TMEM132D: variants seen among roughly 807,000 people sequenced by gnomAD.
TMEM132D encodes transmembrane protein 132D, also known as mature OL transmembrane protein.
In TMEM132D, 21 loss-of-function variants were observed where a neutral mutation model predicts 62.3. The observed-to-expected ratio is 0.34, with a 90% CI of 0.24 to 0.49. The LOEUF (loss-of-function observed/expected upper bound fraction) is 0.49, where lower values mean the gene tolerates loss of function less well. TMEM132D is among the 20% of genes least tolerant of loss of function. The pLI, the probability that TMEM132D is intolerant of heterozygous loss-of-function variation, is 0.99. For missense variants in TMEM132D, 1,346 were observed against 1,402.8 expected, an observed-to-expected ratio of 0.96 and a Z score of 0.65; for synonymous variants, 621 against 575.6, an observed-to-expected ratio of 1.08 and a Z score of -1.13.
At chr12:129,580,175 C>T (rs1877803371) in intron 2 of TMEM132D, among the ~76,000 whole-genome samples, 1 of 152,184 alleles carries the variant, frequency 6.6e-6, no homozygotes. Flanking sequence ...TCCCAGGAAG[C>T]ACTTACTCCT....
intron 2 of TMEM132D, among the ~76,000 whole-genome samples, chr12:129,635,026 A>T (rs1879441427): frequency 6.6e-6 from 1 of 152,220 alleles, no homozygotes; most frequent in Non-Finnish European, 1.5e-5. Context: ...ACTATAATGA[A>T]ACACTTCCCC....
chr12:129,692,285 A>C (rs1565950728), intron 2 of TMEM132D, among the ~76,000 whole-genome samples: 1 of 152,234 alleles, frequency 6.6e-6, no homozygotes, highest in Non-Finnish European at 1.5e-5. Flanking sequence ...CATGTTCAAA[A>C]ACTAATCAGG....
At chr12:129,213,635 G>A (rs907841042) in intron 4 of TMEM132D, among the ~76,000 whole-genome samples, 2 of 152,178 alleles carry the variant, frequency 1.3e-5, no homozygotes, top group African/African-American at 4.8e-5. Context: ...GGAGGAGGGC[G>A]AAGGGAGCAG....
chr12:129,205,578 C>A (rs1878821835), intron 5 of TMEM132D, among the ~76,000 whole-genome samples: 1 of 152,134 alleles, frequency 6.6e-6, no homozygotes, highest in African/African-American at 2.4e-5. Context: ...GAAACTTCAA[C>A]ATCCCATTGA....
intron 1 of TMEM132D, among the ~76,000 whole-genome samples, chr12:129,901,567 C>T (rs1006428190): frequency 3.9e-5 from 6 of 152,186 alleles, no homozygotes; most frequent in East Asian, 1.9e-4. Flanking sequence ...AAACATTTTA[C>T]GTGCTAATTT....
intron 3 of TMEM132D, among the ~76,000 whole-genome samples, chr12:129,393,226 C>A (rs1373503877): frequency 1.3e-5 from 2 of 152,222 alleles, no homozygotes; most frequent in South Asian, 2.1e-4. Context: ...TCTTCCTTAC[C>A]ATGTTTGCCC....
intron 3 of TMEM132D, among the ~76,000 whole-genome samples, chr12:129,362,184 A>G (rs78782733): frequency 0.022 from 3,413 of 152,222 alleles, 76 homozygotes; most frequent in Admixed American, 0.063. Context: ...GTTCCCAATC[A>G]AATCTTGTTG....
intron 1 of TMEM132D, among the ~76,000 whole-genome samples, chr12:129,763,745 GA>G (rs1284773162): frequency 6.7e-5 from 1 of 14,892 alleles, no homozygotes; most frequent in Non-Finnish European, 2.7e-3. Context: ...AGTCACCATG[GA>G]CCCCCAAGGC....
At chr12:129,134,229 A>G (rs1485073729) in intron 5 of TMEM132D, among the ~76,000 whole-genome samples, 1 of 151,874 alleles carries the variant, frequency 6.6e-6, no homozygotes, top group African/African-American at 2.4e-5. Flanking sequence ...CTAGTTTGAT[A>G]GTTTGAATTG....
In TMEM132D at chr12:129,320,559, G is replaced by A. The variant is rs182062134; in HGVS notation, c.1299+17075C>T. 5.8e-4 allele frequency among the ~76,000 whole-genome samples: 89 copies of A among 152,282 alleles called. 1 individual carries two copies. Among genetic ancestry groups the A allele is most frequent in the Admixed American group, 2.3e-3 (35 of 15,294 alleles). ...GAAATGTAGGCAGGGGTTAGACCAC[G>A]TAGGCTAGGTTTTGTTTGCCATGTG... On this transcript the variant is annotated intron_variant, in intron 4 of 8. Transcript: ENST00000422113.
chr12:129,776,809 A>G (rs970466593), intron 1 of TMEM132D, among the ~76,000 whole-genome samples: 3 of 148,798 alleles, frequency 2.0e-5, no homozygotes, highest in African/African-American at 4.9e-5. Context: ...AAAAAAAAAG[A>G]AAAGGAAAAA....
chr12:129,633,069 T>C (rs1879387228), intron 2 of TMEM132D, among the ~76,000 whole-genome samples: 1 of 152,238 alleles, frequency 6.6e-6, no homozygotes, highest in South Asian at 2.1e-4. Context: ...AACTAATTTT[T>C]TTATCTTAAC....
chr12:129,601,805 A>G (rs1395738448), intron 2 of TMEM132D, among the ~76,000 whole-genome samples: 3 of 152,224 alleles, frequency 2.0e-5, no homozygotes, highest in Non-Finnish European at 4.4e-5. Context: ...CGGATCACAG[A>G]TCACCATAAC....
chr12:129,873,104 G>A (rs907062694), intron 1 of TMEM132D, among the ~76,000 whole-genome samples: 1 of 152,166 alleles, frequency 6.6e-6, no homozygotes, highest in African/African-American at 2.4e-5. Flanking sequence ...AAGGTAGGGA[G>A]ACGCTATGAA....
chr12:129,531,238 G>C, intron 2 of TMEM132D, 33 bp from the exon 3 acceptor site: 1 of 1,573,718 alleles, frequency 6.4e-7, no homozygotes, highest in Non-Finnish European at 8.6e-7. Context: ...GTCTGAGTCA[G>C]CTCTGGGGAA....
rs930323764 is a variant in TMEM132D at position 129,873,061 on chromosome 12, C to T, written c.79+30200G>A. Among the ~76,000 whole-genome samples, 9 of 152,260 alleles carry T rather than the reference C, an allele frequency of 5.9e-5. No homozygotes were observed. The East Asian group carries it at 7.7e-4, about 13-fold the overall frequency. On this transcript the variant is annotated intron_variant, in intron 1 of 8. Coordinates refer to ENST00000422113, the MANE Select transcript of TMEM132D (RefSeq NM_133448.3). ...GTTGAAAGACCCTGAGCAAGTCACG[C>T]GCCTGGAGTCTGATAGACCCATTAC...
intron 4 of TMEM132D, 132 bp downstream of exon 4, chr12:129,337,500 TTG>T (rs1869329485): frequency 1.0e-6 from 1 of 953,174 alleles, no homozygotes; most frequent in Non-Finnish European, 1.6e-6. Context: ...GCAGTCAACT[TTG>T]TGGTTTCGTT....
chr12:129,366,858 C>G (rs1795235238), intron 3 of TMEM132D, among the ~76,000 whole-genome samples: 2 of 152,108 alleles, frequency 1.3e-5, no homozygotes, highest in African/African-American at 4.8e-5. Context: ...GATGGGCTGT[C>G]AACAGATGGG....
intron 1 of TMEM132D, among the ~76,000 whole-genome samples, chr12:129,775,222 A>G (rs981023472): frequency 2.0e-5 from 3 of 152,204 alleles, no homozygotes; most frequent in African/African-American, 7.2e-5. Context: ...GTATTTATTC[A>G]AGGTATTCCT....
Sources: gnomAD v4.1 joint callset for allele counts (sites outside exome capture counted in the v4.1 genomes callset) on GRCh38, gnomAD v4.1.1 for gene constraint, MANE v1.5 for transcripts, NCBI Gene and HGNC (gene_info 2026-07-23, HGNC 2026-07-21) for gene names.